KIAA1217: variants seen among roughly 807,000 people sequenced by gnomAD.
KIAA1217 encodes the protein sickle tail protein homolog.
Under a neutral mutation model 163.9 loss-of-function variants are expected in KIAA1217, and 88 were observed. The observed-to-expected ratio is 0.54, with a 90% CI of 0.45 to 0.64. The LOEUF (loss-of-function observed/expected upper bound fraction) is 0.64, where lower values mean the gene tolerates loss of function less well. Ranked by LOEUF, KIAA1217 falls within the 30% of genes least tolerant of loss-of-function variation. KIAA1217 has a pLI of 0.00. For synonymous variants in KIAA1217, 903 were observed against 923.1 expected (o/e 0.98, Z 0.39); for missense variants, 2,372 against 2,475.0 (o/e 0.96, Z 0.88).
chr10:24,265,896 A>G (rs539143719), intron 2 of KIAA1217, among the ~76,000 whole-genome samples: 1 of 152,258 alleles, frequency 6.6e-6, no homozygotes, highest in South Asian at 2.1e-4. Context: ...GGAGTCAGCG[A>G]AGTCTGAGTA....
chr10:24,535,776 CAAAT>C (rs1361572574), intron 16 of KIAA1217, among the ~76,000 whole-genome samples: 1 of 135,776 alleles, frequency 7.4e-6, no homozygotes, highest in Non-Finnish European at 1.7e-5. Context: ...GACTCTGCCT[CAAAT>C]AAATAAACAA....
At chr10:24,308,776 C>G (rs562257341) in intron 2 of KIAA1217, among the ~76,000 whole-genome samples, 1 of 152,072 alleles carries the variant, frequency 6.6e-6, no homozygotes, top group Admixed American at 6.5e-5. Context: ...TTCCTGTGTC[C>G]CTTCTACTTG....
intron 1 of KIAA1217, among the ~76,000 whole-genome samples, chr10:23,961,135 C>T (rs963633376): frequency 6.6e-6 from 1 of 152,140 alleles, no homozygotes; most frequent in African/African-American, 2.4e-5. Flanking sequence ...CATAAAAATG[C>T]AATTTCCATG....
At chr10:23,823,291 A>G (rs1365626041) in intron 1 of KIAA1217, among the ~76,000 whole-genome samples, 2 of 152,220 alleles carry the variant, frequency 1.3e-5, no homozygotes, top group African/African-American at 4.8e-5. Context: ...CTCTCAGGAC[A>G]GCTGGGGACC....
rs1385561121 is a variant in KIAA1217 at position 23,790,076 on chromosome 10, CAT to C, written c.-321+94846_-321+94847del. On this transcript the variant is annotated intron_variant, in intron 1 of 18. Coordinates refer to the KIAA1217 transcript ENST00000376462. ...ACACATATACACATATGCATATACACATATACACATATGCATATACACATATA... is the reference window on the plus strand; with the variant it reads ...ACACATATACACATATGCATATACACATACACATATGCATATACACATATA... Among the ~76,000 whole-genome samples the C allele has an allele frequency of 8.1e-5, 9 of 111,638 alleles. 1 individual carries two copies. The highest frequency in any genetic ancestry group is 2.8e-4 in the South Asian group (1 of 3,622). The allele number at this position is 111,638 out of a possible 152,430, so 73.2% of individuals were successfully genotyped here. A position where few individuals can be genotyped will look rare whatever the true frequency, so the allele number is the denominator to read the frequency against.
At chr10:24,455,202 G>C (rs901341039) in intron 5 of KIAA1217, among the ~76,000 whole-genome samples, 1 of 152,080 alleles carries the variant, frequency 6.6e-6, no homozygotes, top group Non-Finnish European at 1.5e-5. Flanking sequence ...TGAGACTAGA[G>C]CACAAAAAAT....
intron 1 of KIAA1217, among the ~76,000 whole-genome samples, chr10:23,919,668 T>C (rs1255250916): frequency 6.7e-6 from 1 of 148,990 alleles, no homozygotes; most frequent in Non-Finnish European, 1.5e-5. Context: ...ATTCATTCAT[T>C]CAACAATATT....
intron 2 of KIAA1217, among the ~76,000 whole-genome samples, chr10:24,022,661 A>C (rs1052509042): frequency 1.3e-5 from 2 of 151,758 alleles, no homozygotes; most frequent in Admixed American, 6.6e-5. Flanking sequence ...CCCACAAATA[A>C]ATATTTATGG....
Position 24,498,902 on chromosome 10 carries a change from C to T in KIAA1217, c.1835-2477C>T, listed in dbSNP as rs140069626. Among the ~76,000 whole-genome samples, 964 of 152,336 alleles carry T rather than the reference C, an allele frequency of 6.3e-3. 10 individuals carry two copies. Among genetic ancestry groups the T allele is most frequent in the Non-Finnish European group, 7.0e-3 (476 of 68,028 alleles). ...CTAGTACCTAGTCTTCAGCCTTTTC[C>T]TCCATGGAATAAAAGATCGAGGGGA... is the stretch of plus-strand genomic sequence containing the variant. On this transcript the variant is annotated intron_variant, in intron 8 of 20. Coordinates refer to ENST00000376454, the MANE Select transcript of KIAA1217 (RefSeq NM_019590.5).
chr10:24,161,309 C>T (rs2065109245), intron 2 of KIAA1217, among the ~76,000 whole-genome samples: 1 of 152,220 alleles, frequency 6.6e-6, no homozygotes, highest in Admixed American at 6.5e-5. Flanking sequence ...TTCTAATGTA[C>T]AGGCATTCAT....
chr10:23,908,281 T>A (rs1842262438), intron 1 of KIAA1217, among the ~76,000 whole-genome samples: 1 of 133,132 alleles, frequency 7.5e-6, no homozygotes, highest in Non-Finnish European at 1.5e-5. Context: ...GGATGTATTG[T>A]TTTTTTTCAA....
intron 1 of KIAA1217, among the ~76,000 whole-genome samples, chr10:24,212,685 T>C (rs4412662): frequency 6.6e-6 from 1 of 152,220 alleles, no homozygotes; most frequent in Non-Finnish European, 1.5e-5. Flanking sequence ...GAGAGCAACA[T>C]CTCTGATGCT....
intron 5 of KIAA1217, among the ~76,000 whole-genome samples, chr10:24,465,935 G>T (rs1012514758): frequency 1.3e-5 from 2 of 151,980 alleles, no homozygotes; most frequent in African/African-American, 4.8e-5. Flanking sequence ...TTTCCTTCTC[G>T]TTTCAGATGT....
chr10:24,208,111 T>C (rs2067665276), upstream of KIAA1217, among the ~76,000 whole-genome samples: 1 of 151,530 alleles, frequency 6.6e-6, no homozygotes, highest in African/African-American at 2.4e-5. Flanking sequence ...CTAAATTATT[T>C]TCCCATCCTC....
intron 2 of KIAA1217, among the ~76,000 whole-genome samples, chr10:24,070,906 G>A (rs2061162251): frequency 6.6e-6 from 1 of 151,988 alleles, no homozygotes; most frequent in African/African-American, 2.4e-5. Context: ...TTGTCTCTGT[G>A]GGATGCAATG....
intron 1 of KIAA1217, among the ~76,000 whole-genome samples, chr10:23,710,921 G>A (rs1837211309): frequency 2.0e-5 from 3 of 152,178 alleles, no homozygotes; most frequent in Non-Finnish European, 4.4e-5. Flanking sequence ...AAGATTGCTA[G>A]CCAGATAGAA....
At chr10:23,869,469 C>G (rs1456331968) in intron 1 of KIAA1217, among the ~76,000 whole-genome samples, 1 of 152,046 alleles carries the variant, frequency 6.6e-6, no homozygotes, top group Non-Finnish European at 1.5e-5. Context: ...GTCTGAGCAT[C>G]TCTTTTATTG....
intron 6 of KIAA1217, among the ~76,000 whole-genome samples, chr10:24,478,900 C>T (rs534216100): frequency 3.9e-5 from 6 of 152,306 alleles, no homozygotes; most frequent in East Asian, 1.9e-4. Context: ...GAGTGCTTAT[C>T]GCAAAGTGAC....
Position 24,546,080 on chromosome 10 carries a change from A to C in KIAA1217, c.5588A>C (p.Lys1863Thr), listed in dbSNP as rs1418465857. ...CCTTCTGTCTCTAATGGCTCTTTGA[A>C]GTTTCAGAGCCTCACTCATACAGGT... ...LIPSVSNGSL[K>T]FQSLTHTGKG... Residue 1863 changes from lysine to threonine, a missense_variant, in exon 21 of 21, where the codon AAG (lysine) becomes ACG (threonine). Physicochemically the swap from Lys to Thr is moderately conservative, Grantham distance 78. Around this residue, in one of 3 missense-constraint regions of KIAA1217, gnomAD observed 690 missense variants for 677.5 expected, o/e 1.02. Transcript: ENST00000376454. 1 of 1,614,054 alleles carries C rather than the reference A, an allele frequency of 6.2e-7. No individual in the cohort carries two copies. The highest frequency in any genetic ancestry group is 1.3e-5 in the African/African-American group (1 of 74,916).
Sources: gnomAD v4.1 joint callset for allele counts (sites outside exome capture counted in the v4.1 genomes callset) on GRCh38, gnomAD v4.1.1 for gene constraint, gnomAD v4.1.1 regional missense constraint, MANE v1.5 for transcripts, NCBI Gene and HGNC (gene_info 2026-07-23, HGNC 2026-07-21) for gene names.